The following SHANK2 variants were observed in gnomAD, a reference collection of about 807,000 sequenced individuals.
The protein encoded by SHANK2 is SH3 and multiple ankyrin repeat domains protein 2.
Under a neutral mutation model 133.7 loss-of-function variants are expected in SHANK2, and 43 were observed. The ratio of observed to expected loss-of-function variants is 0.32; its 90% CI spans 0.25 to 0.41. The LOEUF (loss-of-function observed/expected upper bound fraction) is 0.41. Ranked by LOEUF, SHANK2 falls within the 10% of genes least tolerant of loss-of-function variation. The pLI is 1.00. For synonymous variants in SHANK2, 1,017 were observed against 952.8 expected (o/e 1.07, Z -1.24); for missense variants, 1,994 against 2,235.8 (o/e 0.89, Z 2.18).
intron 11 of SHANK2, among the ~76,000 whole-genome samples, chr11:70,855,640 C>A (rs1199426644): frequency 1.3e-5 from 2 of 152,240 alleles, no homozygotes; most frequent in African/African-American, 4.8e-5. Flanking sequence ...AACGCTAAAC[C>A]AGCAGACCCT....
intron 11 of SHANK2, among the ~76,000 whole-genome samples, chr11:70,849,617 T>A (rs1338415869): frequency 6.6e-6 from 1 of 152,180 alleles, no homozygotes. Flanking sequence ...AACACCCTAA[T>A]ATACATGTTA....
At chr11:70,715,150 G>A (rs782527882) in intron 14 of SHANK2, among the ~76,000 whole-genome samples, 3 of 152,168 alleles carry the variant, frequency 2.0e-5, no homozygotes, top group Admixed American at 6.5e-5. Context: ...GGTGAGTGGT[G>A]CCCTGTAGAT....
chr11:71,241,163 G>A (rs1254057579), intron 1 of SHANK2, among the ~76,000 whole-genome samples: 1 of 152,284 alleles, frequency 6.6e-6, no homozygotes, highest in Non-Finnish European at 1.5e-5. Context: ...GGAGGTACCC[G>A]GGGAAGCCCC....
intron 12 of SHANK2, among the ~76,000 whole-genome samples, chr11:70,819,181 G>C (rs528105405): frequency 9.8e-5 from 15 of 152,376 alleles, no homozygotes; most frequent in African/African-American, 3.4e-4. Context: ...GGGGAAGCAC[G>C]GGTCCAAGGC....
At chr11:70,530,128 G>A (rs574869797) in intron 17 of SHANK2, among the ~76,000 whole-genome samples, 7 of 152,320 alleles carry the variant, frequency 4.6e-5, no homozygotes, top group Non-Finnish European at 7.3e-5. Flanking sequence ...CAGCGTCATC[G>A]CAATAACCAA....
In SHANK2 at chr11:70,735,408, T is replaced by C. The variant is rs944356808; in HGVS notation, c.1778-36645A>G. Among the ~76,000 whole-genome samples, 7 of 152,128 alleles carry C rather than the reference T, an allele frequency of 4.6e-5. No individual in the cohort carries two copies. The South Asian group carries it at 6.2e-4, about 14-fold the overall frequency. ...CGCAAGCCAGCCTCACCCAGCATGA[T>C]AGAAAATGTGCAGAGGGCTGGGTGT... is the stretch of plus-strand genomic sequence containing the variant. On this transcript the variant is annotated intron_variant, in intron 14 of 25. Transcript: ENST00000601538.
rs527528164 is a variant in SHANK2, at chr11:70,582,747, G to A, written c.2061+77081C>T. 3.9e-5 allele frequency among the ~76,000 whole-genome samples: 6 copies of A among 152,344 alleles called. No homozygotes were observed. The East Asian group carries it at 1.2e-3, about 29-fold the overall frequency. ...ACAGCGTGTCACAGGCAGCATCTGT[G>A]TGTGCTATGGTGGTGTTCTAGAAGC... On this transcript the variant is annotated intron_variant, in intron 17 of 25. Coordinates refer to ENST00000601538, the MANE Select transcript of SHANK2 (RefSeq NM_012309.5).
intron 11 of SHANK2, among the ~76,000 whole-genome samples, chr11:70,857,290 T>C (rs782514732): frequency 6.6e-6 from 1 of 152,154 alleles, no homozygotes; most frequent in East Asian, 1.9e-4. Flanking sequence ...AGGGTTGTTT[T>C]AGGAATCAAA....
chr11:70,726,523 G>A (rs138023537), intron 14 of SHANK2, among the ~76,000 whole-genome samples: 169 of 152,276 alleles, frequency 1.1e-3, no homozygotes, highest in African/African-American at 3.2e-3. Context: ...GGGCTGGAAC[G>A]GAGGTGGACA....
At chr11:70,556,393 T>C (rs7123785) in intron 17 of SHANK2, among the ~76,000 whole-genome samples, 936 of 11,840 alleles carry the variant, frequency 0.079, 3 homozygotes, top group Middle Eastern at 0.31. Flanking sequence ...CTTTCTTTCT[T>C]TCTCTCTCTC....
intron 14 of SHANK2, among the ~76,000 whole-genome samples, chr11:70,755,834 G>A (rs1436174871): frequency 1.3e-5 from 2 of 152,252 alleles, no homozygotes; most frequent in Admixed American, 1.3e-4. Flanking sequence ...CCAGTGCTGG[G>A]GCCATCGTAG....
At chr11:70,868,085 T>C (rs538180334) in intron 11 of SHANK2, among the ~76,000 whole-genome samples, 189 of 152,378 alleles carry the variant, frequency 1.2e-3, no homozygotes, top group Middle Eastern at 3.4e-3. Context: ...GCAGTAAGTG[T>C]CTAAACTCCT....
chr11:71,076,576 C>A (rs1951223294), intron 8 of SHANK2, among the ~76,000 whole-genome samples: 1 of 151,794 alleles, frequency 6.6e-6, no homozygotes, highest in Admixed American at 6.6e-5. Flanking sequence ...TTTCCATTTA[C>A]CATTGCTGTG....
intron 11 of SHANK2, chr11:70,863,150 C>G: frequency 2.8e-6 from 1 of 360,214 alleles, no homozygotes; most frequent in South Asian, 2.1e-5. Flanking sequence ...GGACAAATCT[C>G]AAAAATAATT....
chr11:70,607,435 A>G (rs2060593516), intron 17 of SHANK2, among the ~76,000 whole-genome samples: 1 of 152,164 alleles, frequency 6.6e-6, no homozygotes, highest in Non-Finnish European at 1.5e-5. Context: ...CCCGGAAGTC[A>G]GAGGTGACCA....
intron 15 of SHANK2, among the ~76,000 whole-genome samples, chr11:70,667,685 A>G (rs1314903102): frequency 6.6e-6 from 1 of 152,222 alleles, no homozygotes; most frequent in Admixed American, 6.5e-5. Context: ...CCTTGGCAGC[A>G]GCACCTGATC....
intron 9 of SHANK2, among the ~76,000 whole-genome samples, chr11:71,059,169 A>G (rs1178438392): frequency 1.3e-5 from 2 of 152,228 alleles, no homozygotes; most frequent in South Asian, 2.1e-4. Context: ...GAGAGCCAAG[A>G]CTGTGCCATT....
chr11:71,113,164 C>A, intron 5 of SHANK2, 129 bp downstream of exon 5: 2 of 855,150 alleles, frequency 2.3e-6, no homozygotes, highest in East Asian at 2.7e-5. Flanking sequence ...TACATCCCAG[C>A]CCAGCCACAC....
intron 12 of SHANK2, among the ~76,000 whole-genome samples, chr11:70,817,209 AG>A (rs1193394729): frequency 6.6e-6 from 1 of 152,166 alleles, no homozygotes; most frequent in Non-Finnish European, 1.5e-5. Flanking sequence ...GTCCCATAGG[AG>A]GGGACGTCAG....
Sources: gnomAD v4.1 joint callset for allele counts (sites outside exome capture counted in the v4.1 genomes callset) on GRCh38, gnomAD v4.1.1 for gene constraint, MANE v1.5 for transcripts, NCBI Gene and HGNC (gene_info 2026-07-23, HGNC 2026-07-21) for gene names.